The following TMTC1 variants were observed in gnomAD, a reference collection of about 807,000 sequenced individuals.
TMTC1 encodes transmembrane O-mannosyltransferase targeting cadherins 1.
Under a neutral mutation model 104.8 loss-of-function variants are expected in TMTC1, and 73 were observed. That is an observed-to-expected ratio of 0.70 (90% CI 0.58 to 0.85). The LOEUF (loss-of-function observed/expected upper bound fraction) is 0.85, where lower values mean the gene tolerates loss of function less well. Ranked by LOEUF, TMTC1 falls within the 40% of genes least tolerant of loss-of-function variation. TMTC1 has a pLI of 0.00. For synonymous variants in TMTC1, 434 were observed against 428.7 expected (o/e 1.01, Z -0.15); for missense variants, 1,035 against 1,096.1 (o/e 0.94, Z 0.79).
At chr12:29,551,052 A>G (rs1945089059) in intron 10 of TMTC1, among the ~76,000 whole-genome samples, 1 of 151,844 alleles carries the variant, frequency 6.6e-6, no homozygotes, top group Admixed American at 6.6e-5. Context: ...GATTGGGACT[A>G]GAAGTAACTA....
At chr12:29,683,084 T>C (rs1940974922) in intron 5 of TMTC1, among the ~76,000 whole-genome samples, 1 of 152,170 alleles carries the variant, frequency 6.6e-6, no homozygotes, top group Non-Finnish European at 1.5e-5. Context: ...CTGTGTCTTT[T>C]CCCTTGTGCC....
At chr12:29,659,964 A>C in intron 5 of TMTC1, 1 of 1,535,808 alleles carries the variant, frequency 6.5e-7, no homozygotes, top group Non-Finnish European at 8.7e-7. Flanking sequence ...CCACAGACGG[A>C]AGTACAAAAT....
chr12:29,742,625 G>A (rs1041587323), intron 5 of TMTC1, among the ~76,000 whole-genome samples: 1 of 152,052 alleles, frequency 6.6e-6, no homozygotes, highest in African/African-American at 2.4e-5. Flanking sequence ...GTTTATTAAA[G>A]TGATGATATT....
intron 6 of TMTC1, among the ~76,000 whole-genome samples, chr12:29,609,014 G>C (rs1360698364): frequency 6.6e-6 from 1 of 152,052 alleles, no homozygotes; most frequent in African/African-American, 2.4e-5. Flanking sequence ...ATAAAAACAG[G>C]GCTCCTTCCT....
chr12:29,543,995 A>G (rs1316199260), intron 10 of TMTC1, among the ~76,000 whole-genome samples: 4 of 152,078 alleles, frequency 2.6e-5, no homozygotes, highest in Middle Eastern at 3.2e-3. Context: ...TGTAATCTCA[A>G]TACTTTGGGA....
intron 5 of TMTC1, among the ~76,000 whole-genome samples, chr12:29,733,247 T>C (rs998774340): frequency 6.6e-6 from 1 of 152,126 alleles, no homozygotes; most frequent in Admixed American, 6.5e-5. Flanking sequence ...AAAGGTTGAG[T>C]AACTTGCTGA....
intron 5 of TMTC1, among the ~76,000 whole-genome samples, chr12:29,742,410 C>CT (rs1041311658): frequency 1.2e-4 from 19 of 152,126 alleles, no homozygotes; most frequent in African/African-American, 4.1e-4. Flanking sequence ...CTCATGAAGA[C>CT]TGTAGCTTAG....
At chr12:29,509,528 C>A (rs1188089048) in intron 17 of TMTC1, among the ~76,000 whole-genome samples, 1 of 152,164 alleles carries the variant, frequency 6.6e-6, no homozygotes, top group Non-Finnish European at 1.5e-5. Flanking sequence ...GCACACATGA[C>A]CTGGCAATGG....
chr12:29,514,302 C>T (rs1051892212), intron 16 of TMTC1, among the ~76,000 whole-genome samples, 180 bp downstream of exon 16: 2 of 151,954 alleles, frequency 1.3e-5, no homozygotes, highest in South Asian at 4.2e-4. Context: ...CAGTCAAGGG[C>T]CAGATGCTCA....
rs1214483677 is a variant in TMTC1, at chr12:29,751,859, G to A, written c.745C>T (p.Leu249Phe). ...GGCTGCTGTGGGCTGCGTGGACAGAGGGCCCCATTGCTCCTGTTGTGCATG... is the reference window on the plus strand; with the variant it reads ...GGCTGCTGTGGGCTGCGTGGACAGAAGGCCCCATTGCTCCTGTTGTGCATG... ...NKQDKSSNGA[L>F]CPRSPQQPGS... Residue 249 changes from leucine (L) to phenylalanine (F), a missense_variant, in exon 5 of 18, where the codon CTC (leucine) becomes TTC (phenylalanine). Transcript: ENST00000539277. The A allele has an allele frequency of 2.5e-6, 4 of 1,572,568 alleles. No homozygotes were observed. Among genetic ancestry groups the A allele is most frequent in the Non-Finnish European group, 2.6e-6 (3 of 1,159,072 alleles).
chr12:29,681,191 G>A (rs1258856569), intron 5 of TMTC1, among the ~76,000 whole-genome samples: 1 of 151,440 alleles, frequency 6.6e-6, no homozygotes, highest in East Asian at 1.9e-4. Flanking sequence ...ACTTAGAGTA[G>A]TTCCTGTGGA....
At chr12:29,669,087 A>G (rs1565754768) in intron 5 of TMTC1, among the ~76,000 whole-genome samples, 1 of 146,280 alleles carries the variant, frequency 6.8e-6, no homozygotes, top group East Asian at 2.1e-4. Flanking sequence ...CAGCAGAAAC[A>G]GGGAGTGGGA....
At chr12:29,571,778 A>C (rs955901114) in intron 9 of TMTC1, among the ~76,000 whole-genome samples, 5 of 152,228 alleles carry the variant, frequency 3.3e-5, no homozygotes, top group Non-Finnish European at 5.9e-5. Flanking sequence ...TGCAATAAAT[A>C]TCATGAGAAC....
At chr12:29,526,299 C>T (rs913650290) in intron 11 of TMTC1, among the ~76,000 whole-genome samples, 1 of 152,146 alleles carries the variant, frequency 6.6e-6, no homozygotes, top group Admixed American at 6.5e-5. Context: ...CATTTAGGCT[C>T]TCCATGAGTA....
chr12:29,707,681 G>A (rs1297869379), intron 5 of TMTC1, among the ~76,000 whole-genome samples: 3 of 152,120 alleles, frequency 2.0e-5, no homozygotes, highest in Non-Finnish European at 2.9e-5. Context: ...TGTGGCCATC[G>A]TCCTTTCTTA....
intron 11 of TMTC1, among the ~76,000 whole-genome samples, chr12:29,523,658 A>T (rs1944249159): frequency 6.6e-6 from 1 of 152,074 alleles, no homozygotes; most frequent in South Asian, 2.1e-4. Context: ...ATTTGGTCTT[A>T]AGTTTTACTG....
intron 4 of TMTC1, among the ~76,000 whole-genome samples, chr12:29,755,074 G>A (rs1249773290): frequency 6.6e-6 from 1 of 152,158 alleles, no homozygotes; most frequent in African/African-American, 2.4e-5. Flanking sequence ...TATAGTATGT[G>A]CTTGAACTTT....
rs1196078105 is a variant in TMTC1, at chr12:29,643,712, T to A, written c.939-10376A>T. ...TATATTATATATATTATATATTATATATATAATATATAAATATATATTATA... is the reference window on the plus strand; with the variant it reads ...TATATTATATATATTATATATTATAAATATAATATATAAATATATATTATA... On this transcript the variant is annotated intron_variant, in intron 5 of 17. Coordinates refer to ENST00000539277, the MANE Select transcript of TMTC1 (RefSeq NM_001193451.2). Among the ~76,000 whole-genome samples, 11 of 24,300 alleles carry A rather than the reference T, an allele frequency of 4.5e-4. 2 individuals carry two copies. Among genetic ancestry groups the A allele is most frequent in the African/African-American group, 1.8e-3 (9 of 5,090 alleles). 15.9% of individuals were successfully genotyped at this position (24,300 alleles called of 152,430 possible).
At chr12:29,776,923 A>T (rs1362124043) in intron 1 of TMTC1, among the ~76,000 whole-genome samples, 1 of 152,200 alleles carries the variant, frequency 6.6e-6, no homozygotes, top group Non-Finnish European at 1.5e-5. Flanking sequence ...GCAAAGAACA[A>T]GGGCTCTGGA....
Sources: allele counts gnomAD v4.1 joint callset (sites outside exome capture counted in the v4.1 genomes callset), GRCh38; gene constraint gnomAD v4.1.1; transcripts MANE v1.5; gene names NCBI Gene and HGNC (gene_info 2026-07-23, HGNC 2026-07-21).